The following C1QTNF6 variants were observed in gnomAD, a reference collection of about 807,000 sequenced individuals.
C1QTNF6 encodes C1q and TNF related 6.
A neutral mutation model predicts 20.7 loss-of-function variants in C1QTNF6; 17 were observed. That is an observed-to-expected ratio of 0.82 (90% CI 0.56 to 1.23). The LOEUF (loss-of-function observed/expected upper bound fraction) is 1.23, where lower values mean the gene tolerates loss of function less well. C1QTNF6 is among the 50% of genes most tolerant of loss of function. The pLI is 0.00. For synonymous variants in C1QTNF6, 130 were observed against 156.3 expected (o/e 0.83, Z 1.25); for missense variants, 329 against 389.7 (o/e 0.84, Z 1.31).
In C1QTNF6 at chr22:37,185,346, C is replaced by T; in HGVS notation, c.161G>A (p.Ser54Asn). Reference sequence around the variant, plus strand: ...AGAGTCACAGCACCGTTGGCAGCCGCTGGCCACAGCTCTGTCAAAGGTGAG... The same window carrying T: ...AGAGTCACAGCACCGTTGGCAGCCGTTGGCCACAGCTCTGTCAAAGGTGAG... ...VELTFDRAVA[S>N]GCQRCCDSED... The change falls in exon 2 of 3, where the codon AGC becomes AAC. Residue 54 changes from serine to asparagine, a missense_variant. Ser to Asn is a conservative substitution (Grantham distance 46). Transcript: ENST00000337843. 1 of 1,613,832 alleles carries T rather than the reference C, an allele frequency of 6.2e-7. No homozygotes were observed. The highest frequency in any genetic ancestry group is 8.5e-7 in the Non-Finnish European group (1 of 1,179,924).
At chr22:37,189,480 ATATTT>A (rs1179887777), upstream of C1QTNF6, among the ~76,000 whole-genome samples, 3 of 152,112 alleles carry the variant, frequency 2.0e-5, no homozygotes, top group Non-Finnish European at 4.4e-5. Flanking sequence ...CACCTCTGAC[ATATTT>A]CCCTACTCTC....
At chr22:37,189,201 A>G (rs1924648950), upstream of C1QTNF6, among the ~76,000 whole-genome samples, 1 of 152,234 alleles carries the variant, frequency 6.6e-6, no homozygotes, top group Non-Finnish European at 1.5e-5. Flanking sequence ...TTAGCAAGCT[A>G]ACACATTTTA....
chr22:37,182,150 A>T lies in C1QTNF6; in HGVS notation c.*38T>A. 1 of 1,577,508 alleles carries T rather than the reference A, an allele frequency of 6.3e-7. No individual in the cohort carries two copies. ...GAGCCCTGCAGGGGACGGGACCAGC[A>T]CCTGAGCTCTCCAGCCGGGAGGGTG... is the stretch of plus-strand genomic sequence containing the variant. On this transcript the variant is annotated 3_prime_UTR_variant, in exon 3 of 3. Coordinates refer to ENST00000337843, the MANE Select transcript of C1QTNF6 (RefSeq NM_031910.4).
intron 2 of C1QTNF6, among the ~76,000 whole-genome samples, chr22:37,183,207 G>C (rs935315732): frequency 6.6e-6 from 1 of 152,218 alleles, no homozygotes; most frequent in Non-Finnish European, 1.5e-5. Context: ...GAAAAGCCCA[G>C]GTTAGGAGCC....
rs544998767 is a variant in C1QTNF6 at position 37,184,511 on chromosome 22, C to G, written c.289+707G>C. The G allele has an allele frequency of 1.4e-6, 1 of 711,442 alleles. No individual in the cohort carries two copies. Among genetic ancestry groups the G allele is most frequent in the Non-Finnish European group, 2.6e-6 (1 of 383,492 alleles). The allele number at this position is 711,442 out of a possible 1,614,324, so 44.1% of individuals were successfully genotyped here. A position where few individuals can be genotyped will look rare whatever the true frequency, so the allele number is the denominator to read the frequency against. On this transcript the variant is annotated intron_variant, in intron 2 of 2. Coordinates refer to ENST00000337843, the MANE Select transcript of C1QTNF6 (RefSeq NM_031910.4). The surrounding 1 kb of genome is among the most constrained non-coding windows in gnomAD (Gnocchi z 4.0). ...GATGCCTTTCACCTGGACGGGCCCT[C>G]ACCTGGACAGCCCTCACCTGGACAG... is the stretch of plus-strand genomic sequence containing the variant.
chr22:37,183,378 G>T (rs1569063893), intron 2 of C1QTNF6, among the ~76,000 whole-genome samples: 1 of 152,212 alleles, frequency 6.6e-6, no homozygotes, highest in Non-Finnish European at 1.5e-5. Context: ...TGCAAACTCT[G>T]CAACTAAGAG....
chr22:37,194,589 C>G (rs978981987), intron 2 of C1QTNF6, among the ~76,000 whole-genome samples: 1 of 152,222 alleles, frequency 6.6e-6, no homozygotes, highest in East Asian at 1.9e-4. Context: ...AGAAAATCGT[C>G]TTTTTCCATT....
upstream of C1QTNF6, among the ~76,000 whole-genome samples, chr22:37,192,295 G>T (rs930870868): frequency 6.6e-6 from 1 of 152,160 alleles, no homozygotes; most frequent in Non-Finnish European, 1.5e-5. Flanking sequence ...ATATTACGAT[G>T]TTAACTCTTA....
upstream of C1QTNF6, among the ~76,000 whole-genome samples, chr22:37,192,438 G>A (rs566289840): frequency 2.0e-5 from 3 of 149,856 alleles, no homozygotes; most frequent in Non-Finnish European, 3.0e-5. Context: ...CTGGGGGCAT[G>A]GCTAACTCGA....
chr22:37,198,536 C>CATA (rs34272217), upstream of C1QTNF6, among the ~76,000 whole-genome samples: 2,552 of 152,326 alleles, frequency 0.017, 83 homozygotes, highest in African/African-American at 0.058. Context: ...GGACAGTAAA[C>CATA]ATGATTCCTG....
chr22:37,184,208 A>G lies in C1QTNF6; in HGVS notation c.289+1010T>C. On this transcript the variant is annotated intron_variant, in intron 2 of 2. Coordinates refer to ENST00000337843, the MANE Select transcript of C1QTNF6 (RefSeq NM_031910.4). The surrounding 1 kb of genome is among the most constrained non-coding windows in gnomAD (Gnocchi z 4.0). ...AGGGCAGGCCAGGTGCCAGGTGACC[A>G]CTGGCTGTGCAGTGAGTGTCCCCGG... 6.3e-6 allele frequency: 4 copies of G among 633,866 alleles called. No individual in the cohort carries two copies. Among genetic ancestry groups the G allele is most frequent in the Non-Finnish European group, 1.2e-5 (4 of 341,748 alleles). The allele number at this position is 633,866 out of a possible 1,614,324, so 39.3% of individuals were successfully genotyped here.
rs1488435329 is a variant in C1QTNF6, at chr22:37,180,986, G to C, written c.*1202C>G. On this transcript the variant is annotated 3_prime_UTR_variant, in exon 3 of 3. Coordinates refer to ENST00000337843, the MANE Select transcript of C1QTNF6 (RefSeq NM_031910.4). ...CCTTGACCTGGCCAAGGCCCCCTGG[G>C]GTTTGCTGTAACGATGAGCACTGGG... The C allele has an allele frequency of 1.3e-5, 2 of 152,384 alleles. No homozygotes were observed. Among genetic ancestry groups the C allele is most frequent in the Non-Finnish European group, 1.5e-5 (1 of 68,154 alleles). 9.4% of individuals were successfully genotyped at this position (152,384 alleles called of 1,614,324 possible). A position where few individuals can be genotyped will look rare whatever the true frequency, so the allele number is the denominator to read the frequency against.
intron 1 of C1QTNF6, among the ~76,000 whole-genome samples, chr22:37,187,341 A>C (rs371614821): frequency 1.6e-4 from 25 of 152,252 alleles, no homozygotes; most frequent in African/African-American, 5.8e-4. Flanking sequence ...TGGAAATCCC[A>C]AAATTCCCTT....
intron 1 of C1QTNF6, among the ~76,000 whole-genome samples, chr22:37,187,173 C>T (rs1030698517): frequency 2.0e-5 from 3 of 152,204 alleles, no homozygotes. Context: ...CCACCTCCCT[C>T]TTCCTGGAGG....
chr22:37,199,274 T>C (rs1925343776), upstream of C1QTNF6: 1 of 152,256 alleles, frequency 6.6e-6, no homozygotes, highest in South Asian at 2.1e-4. Flanking sequence ...CAAACCCTGG[T>C]TCGTGTCTCC....
At chr22:37,196,472 T>G (rs1400141063) in intron 1 of C1QTNF6, 1 of 152,246 alleles carries the variant, frequency 6.6e-6, no homozygotes, top group Non-Finnish European at 1.5e-5. Flanking sequence ...ATTCTACATT[T>G]GTTGAAGACT....
At chr22:37,185,511 C>T (rs570722788) in intron 1 of C1QTNF6, 56 bp from the exon 2 acceptor site, 7 of 1,491,484 alleles carry the variant, frequency 4.7e-6, no homozygotes, top group East Asian at 2.4e-5. Context: ...TACTATGTGC[C>T]GATGCCTGGG....
intron 1 of C1QTNF6, chr22:37,197,241 GC>G (rs970697183): frequency 6.6e-6 from 1 of 152,270 alleles, no homozygotes; most frequent in Non-Finnish European, 1.5e-5. Context: ...ACGTGGCCCT[GC>G]CCCAGGCAGC....
In C1QTNF6 at chr22:37,182,037, A is replaced by C; in HGVS notation, c.*151T>G. 1 of 787,610 alleles carries C rather than the reference A, an allele frequency of 1.3e-6. No homozygotes were observed. 48.8% of individuals were successfully genotyped at this position (787,610 alleles called of 1,614,324 possible). On this transcript the variant is annotated 3_prime_UTR_variant, in exon 3 of 3. Transcript: ENST00000337843. ...GAGCAGAAATAGGCTGGGAGGGATG[A>C]TGGCAGCCAAGATAGAAGCAGGGTC...
Sources: gnomAD v4.1 joint callset for allele counts (sites outside exome capture counted in the v4.1 genomes callset) on GRCh38, gnomAD v4.1.1 for gene constraint, Gnocchi (gnomAD v3.1) non-coding constraint, MANE v1.5 for transcripts, NCBI Gene and HGNC (gene_info 2026-07-23, HGNC 2026-07-21) for gene names.